The following NLRP1 variants were observed in gnomAD, a reference collection of about 807,000 sequenced individuals.
The protein encoded by NLRP1 is NLR family pyrin domain containing 1.
NLRP1 carries 94 observed loss-of-function variants against 136.7 expected under a neutral mutation model. That is an observed-to-expected ratio of 0.69 (90% CI 0.58 to 0.82). NLRP1 has a LOEUF of 0.82. Among genes scored for constraint, NLRP1 ranks in the 40% least tolerant of loss-of-function variants. The pLI is 0.00. For synonymous variants in NLRP1, 690 were observed against 725.1 expected, an observed-to-expected ratio of 0.95 and a Z score of 0.78; for missense variants, 1,575 against 1,802.7, an observed-to-expected ratio of 0.87 and a Z score of 2.29.
rs1296576061 is a variant in NLRP1, at chr17:5,584,079, C to T, written c.-122G>A. The T allele has an allele frequency of 3.1e-6, 3 of 981,944 alleles. No homozygotes were observed. The highest frequency in any genetic ancestry group is 3.2e-4 in the Middle Eastern group (1 of 3,144). The allele number at this position is 981,944 out of a possible 1,614,324, so 60.8% of individuals were successfully genotyped here. On this transcript the variant is annotated 5_prime_UTR_variant, in exon 1 of 17. Transcript: ENST00000572272. ...ACCGTCTCTTATTCAGCATTCGGAA[C>T]CCAGTTTTATAAATCCCAGGGCACC...
At chr17:5,507,991 A>G (rs946713018) in intron 15 of NLRP1, among the ~76,000 whole-genome samples, 4 of 150,714 alleles carry the variant, frequency 2.7e-5, no homozygotes, top group Admixed American at 2.6e-4. Context: ...AAAATTAGCC[A>G]GGCGTGGTGG....
At chr17:5,539,677 G>T in intron 6 of NLRP1, 92 bp from the exon 7 acceptor site, 1 of 1,425,100 alleles carries the variant, frequency 7.0e-7, no homozygotes, top group East Asian at 2.7e-5. Flanking sequence ...CAGCATCTGT[G>T]GCCTTTTGAG....
chr17:5,541,731 T>G lies in NLRP1; in HGVS notation c.2699+126A>C. 2.9e-5 allele frequency: 27 copies of G among 935,926 alleles called. No homozygotes were observed. Among genetic ancestry groups the G allele is most frequent in the South Asian group, 4.6e-5 (3 of 65,498 alleles). 58.0% of individuals were successfully genotyped at this position (935,926 alleles called of 1,614,324 possible). The stretch of plus-strand genomic sequence containing the variant: ...TCCTCCTGAGCCTCTACTGCCTGGC[T>G]GAGATCCTGTAGGCTCCTCCCACTC... On this transcript the variant is annotated intron_variant, in intron 6 of 16. Transcript: ENST00000572272. This position sits in a 1 kb window ranked among gnomAD's most constrained non-coding sequence, Gnocchi z 4.2.
intron 3 of NLRP1, among the ~76,000 whole-genome samples, chr17:5,578,996 C>T (rs963320890): frequency 6.6e-6 from 1 of 152,092 alleles, no homozygotes; most frequent in Admixed American, 6.6e-5. Context: ...TCATTCTCAG[C>T]AAACTATCGC....
intron 14 of NLRP1, among the ~76,000 whole-genome samples, chr17:5,519,445 CTT>C (rs74550306): frequency 1.8e-4 from 24 of 131,716 alleles, no homozygotes; most frequent in Admixed American, 3.1e-4. Flanking sequence ...CACACCTGGC[CTT>C]TTTTTTTTTT....
At chr17:5,575,710 G>A (rs1414307284) in intron 3 of NLRP1, among the ~76,000 whole-genome samples, 2 of 152,142 alleles carry the variant, frequency 1.3e-5, no homozygotes, top group Non-Finnish European at 2.9e-5. Flanking sequence ...ACATTAGACA[G>A]ATCAACGAGA....
Position 5,584,066 on chromosome 17 carries a change from T to C in NLRP1, c.-109A>G. On this transcript the variant is annotated 5_prime_UTR_variant, in exon 1 of 17. Transcript: ENST00000572272. The stretch of plus-strand genomic sequence containing the variant: ...TGCCTTGGCTCTTACCGTCTCTTAT[T>C]CAGCATTCGGAACCCAGTTTTATAA... 9.1e-7 allele frequency: 1 copy of C among 1,096,550 alleles called. No homozygotes were observed. The highest frequency in any genetic ancestry group is 1.3e-6 in the Non-Finnish European group (1 of 781,166). 67.9% of individuals were successfully genotyped at this position (1,096,550 alleles called of 1,614,324 possible).
At position 5,561,104 on chromosome 17, in the gene NLRP1, T is replaced by C. The variant is rs553521429; in HGVS notation, c.653-1061A>G. Among the ~76,000 whole-genome samples, 8 of 152,362 alleles carry C rather than the reference T, an allele frequency of 5.3e-5. No individual in the cohort carries two copies. The South Asian group carries it at 1.2e-3, about 24-fold the overall frequency. Reference sequence around the variant, plus strand: ...AGAGTTTCTCTCTTGTCACCCAGGCTGGAGTGCAGTGGCACGATCTCGGCT... The same window carrying C: ...AGAGTTTCTCTCTTGTCACCCAGGCCGGAGTGCAGTGGCACGATCTCGGCT... On this transcript the variant is annotated intron_variant, in intron 3 of 16. Coordinates refer to ENST00000572272, the MANE Select transcript of NLRP1 (RefSeq NM_033004.4).
intron 12 of NLRP1, among the ~76,000 whole-genome samples, chr17:5,522,596 G>A (rs530149847): frequency 1.8e-4 from 28 of 152,348 alleles, no homozygotes; most frequent in African/African-American, 6.3e-4. Flanking sequence ...CCAGCATGGG[G>A]AAGAGGGCAT....
At chr17:5,580,217 C>T (rs1157736006) in intron 3 of NLRP1, among the ~76,000 whole-genome samples, 1 of 151,640 alleles carries the variant, frequency 6.6e-6, no homozygotes, top group Non-Finnish European at 1.5e-5. Flanking sequence ...CCTGGGTGAC[C>T]GAGCAAGACT....
chr17:5,566,740 T>C (rs1035439126), intron 3 of NLRP1, among the ~76,000 whole-genome samples: 21 of 152,140 alleles, frequency 1.4e-4, no homozygotes, highest in Non-Finnish European at 2.8e-4. Flanking sequence ...GGAAGATACG[T>C]CCAATGCTAA....
In NLRP1 at chr17:5,507,369, AT is replaced by A. The variant is rs528095297; in HGVS notation, c.4070-5498del. On this transcript the variant is annotated intron_variant, in intron 15 of 15. Transcript: ENST00000262467. ...GGTCTTCAAATTAAGGCCTTCTAAA[AT>A]CAAAAGAAAACAAAAACCAGCCATT... Among the ~76,000 whole-genome samples, 142 of 152,322 alleles carry A rather than the reference AT, an allele frequency of 9.3e-4. 1 individual carries two copies. Among genetic ancestry groups the A allele is most frequent in the African/African-American group, 3.4e-3 (140 of 41,578 alleles).
intron 15 of NLRP1, among the ~76,000 whole-genome samples, chr17:5,516,266 C>T (rs1908101349): frequency 1.3e-5 from 2 of 152,236 alleles, no homozygotes; most frequent in South Asian, 2.1e-4. Context: ...TACATGCTCT[C>T]TGCTGACTGG....
At chr17:5,561,827 ACT>A (rs1162965649) in intron 3 of NLRP1, among the ~76,000 whole-genome samples, 18 of 152,156 alleles carry the variant, frequency 1.2e-4, no homozygotes, top group Admixed American at 1.2e-3. Context: ...AGAGGGGGTG[ACT>A]CTGCCCATCC....
At chr17:5,547,651 G>C (rs1484249003) in intron 5 of NLRP1, among the ~76,000 whole-genome samples, 2 of 152,184 alleles carry the variant, frequency 1.3e-5, no homozygotes, top group Non-Finnish European at 2.9e-5. Context: ...CTTCCTACTG[G>C]GGTGTGAAGT....
chr17:5,524,226 A>G (rs1029895500), intron 12 of NLRP1, among the ~76,000 whole-genome samples: 1 of 152,318 alleles, frequency 6.6e-6, no homozygotes, highest in Non-Finnish European at 1.5e-5. Flanking sequence ...CCTGCATTAC[A>G]GTCTTTCTCT....
intron 15 of NLRP1, among the ~76,000 whole-genome samples, chr17:5,507,915 C>A (rs1907431155): frequency 6.6e-6 from 1 of 152,166 alleles, no homozygotes; most frequent in Admixed American, 6.5e-5. Context: ...GTGGGCGGAT[C>A]ACAAGGTCAG....
At chr17:5,580,682 T>C (rs2151829437) in intron 3 of NLRP1, among the ~76,000 whole-genome samples, 1 of 152,330 alleles carries the variant, frequency 6.6e-6, no homozygotes, top group East Asian at 1.9e-4. Context: ...TATGCTTCTA[T>C]AGATGGCTCT....
intron 3 of NLRP1, among the ~76,000 whole-genome samples, chr17:5,561,827 A>T (rs1555547866): frequency 6.6e-6 from 1 of 152,038 alleles, no homozygotes; most frequent in Non-Finnish European, 1.5e-5. Flanking sequence ...AGAGGGGGTG[A>T]CTCTGCCCAT....
Sources: gnomAD v4.1 joint callset for allele counts (sites outside exome capture counted in the v4.1 genomes callset) on GRCh38, gnomAD v4.1.1 for gene constraint, Gnocchi (gnomAD v3.1) non-coding constraint, MANE v1.5 for transcripts, NCBI Gene and HGNC (gene_info 2026-07-23, HGNC 2026-07-21) for gene names.